Variants in IMMT observed in about 807,000 individuals in gnomAD.
The protein encoded by IMMT is MICOS complex subunit MIC60.
Under a neutral mutation model 92.7 loss-of-function variants are expected in IMMT, and 40 were observed. The ratio of observed to expected loss-of-function variants is 0.43; its 90% CI spans 0.34 to 0.56. IMMT has a LOEUF of 0.56. Among genes scored for constraint, IMMT ranks in the 20% least tolerant of loss-of-function variants. The pLI, the probability that IMMT is intolerant of heterozygous loss-of-function variation, is 0.03. For synonymous variants in IMMT, 322 were observed against 336.1 expected (o/e 0.96, Z 0.46); for missense variants, 831 against 912.1 (o/e 0.91, Z 1.14).
rs370662846 is a variant in IMMT, at chr2:86,161,996, G to T, written c.876C>A (p.Ala292=). Residue 292 remains alanine (A), a synonymous_variant, in exon 8 of 15, where the codon GCC becomes GCA. Transcript: ENST00000410111. ...ATTACTTGGCTTTGAGAAGGGCATC[G>T]GCAGCTTCATCTACTGCCTTTCTGC... The part of the protein sequence containing the change: ...KERRKAVDEA[A]DALLKAKEEL... The T allele has an allele frequency of 5.0e-6, 8 of 1,597,912 alleles. No individual in the cohort carries two copies. The South Asian group carries it at 7.9e-5, about 16-fold the overall frequency.
intron 6 of IMMT, among the ~76,000 whole-genome samples, chr2:86,169,964 G>A (rs1477575028): frequency 6.6e-6 from 1 of 152,186 alleles, no homozygotes; most frequent in Non-Finnish European, 1.5e-5. Context: ...CCAGCGATGT[G>A]TAGAACATTC....
intron 13 of IMMT, among the ~76,000 whole-genome samples, 152 bp downstream of exon 13, chr2:86,147,550 A>G (rs1675112128): frequency 6.6e-6 from 1 of 152,244 alleles, no homozygotes; most frequent in African/African-American, 2.4e-5. Flanking sequence ...TCATGAACAC[A>G]CAGGTACACC....
intron 1 of IMMT, among the ~76,000 whole-genome samples, chr2:86,190,757 A>G (rs1558844315): frequency 2.6e-5 from 4 of 152,228 alleles, no homozygotes; most frequent in Non-Finnish European, 5.9e-5. Flanking sequence ...TGGGAGCCCA[A>G]GGCGGGCAGA....
intron 12 of IMMT, among the ~76,000 whole-genome samples, chr2:86,148,071 C>T (rs1675168282): frequency 6.6e-6 from 1 of 152,236 alleles, no homozygotes; most frequent in Admixed American, 6.5e-5. Context: ...AGGTCTCTCT[C>T]ACCCCCAAAC....
chr2:86,158,772 A>T, intron 9 of IMMT, 51 bp from the exon 10 acceptor site: 4 of 1,436,876 alleles, frequency 2.8e-6, no homozygotes, highest in Non-Finnish European at 3.8e-6. Flanking sequence ...AATACCATAA[A>T]CATTCCAAGA....
chr2:86,179,588 A>G lies in IMMT; in HGVS notation c.154T>C (p.Leu52=), dbSNP rs1473131902. Residue 52 remains leucine (L), a synonymous_variant, in exon 3 of 15, where the codon TTG becomes CTG. Coordinates refer to ENST00000410111, the MANE Select transcript of IMMT (RefSeq NM_006839.3). ...CCACCAATACCTCCACCAACAAACA[A>G]AAGGCCAGCTCCAGCAATTTTGCCA... is the stretch of plus-strand genomic sequence containing the variant. ...TTGKIAGAGL[L]FVGGGIGGTI... is the part of the protein sequence containing the mutation. The G allele has an allele frequency of 6.2e-7, 1 of 1,600,590 alleles. No homozygotes were observed. Among genetic ancestry groups the G allele is most frequent in the Non-Finnish European group, 8.5e-7 (1 of 1,176,558 alleles).
intron 1 of IMMT, among the ~76,000 whole-genome samples, chr2:86,184,811 C>T (rs1424855829): frequency 6.6e-6 from 1 of 151,892 alleles, no homozygotes; most frequent in Non-Finnish European, 1.5e-5. Flanking sequence ...TTTATCAAAA[C>T]TGTCATCTGT....
At chr2:86,186,822 G>A (rs926733221) in intron 1 of IMMT, among the ~76,000 whole-genome samples, 1 of 152,210 alleles carries the variant, frequency 6.6e-6, no homozygotes, top group Admixed American at 6.5e-5. Context: ...TTATGCAGCT[G>A]TAACTCATAA....
rs749264958 is a variant in IMMT at position 86,195,329 on chromosome 2, A to G, written c.45+9T>C. The G allele has an allele frequency of 1.3e-6, 2 of 1,544,860 alleles. No homozygotes were observed. The highest frequency in any genetic ancestry group is 8.7e-7 in the Non-Finnish European group (1 of 1,143,964). On this transcript the variant is annotated intron_variant, in intron 1 of 14. Coordinates refer to ENST00000410111, the MANE Select transcript of IMMT (RefSeq NM_006839.3). ...CTCCTCACGCGCCTCCGGGAGCCCC[A>G]GTGCTCACCTGGGCGGCGGCGGTCA...
intron 1 of IMMT, among the ~76,000 whole-genome samples, chr2:86,186,269 A>AGTGGGAGGGATGTGCAT (rs1182153145): frequency 2.0e-5 from 3 of 152,108 alleles, no homozygotes; most frequent in South Asian, 2.1e-4. Context: ...GAAGGTTGTG[A>AGTGGGAGGGATGTGCAT]GTGGGAGGGA....
intron 4 of IMMT, 99 bp from the exon 5 acceptor site, chr2:86,171,444 C>A (rs539119431): frequency 1.9e-6 from 2 of 1,073,594 alleles, no homozygotes; most frequent in South Asian, 2.7e-5. Flanking sequence ...TCACATCTGA[C>A]TCCTTAGAGA....
chr2:86,167,265 G>C (rs929700718), intron 6 of IMMT, among the ~76,000 whole-genome samples: 3 of 142,054 alleles, frequency 2.1e-5, no homozygotes, highest in African/African-American at 7.9e-5. Flanking sequence ...TCCGCCTCCC[G>C]GGTTCACGCC....
intron 10 of IMMT, among the ~76,000 whole-genome samples, chr2:86,157,342 C>T (rs1396017618): frequency 6.6e-6 from 1 of 152,168 alleles, no homozygotes; most frequent in East Asian, 1.9e-4. Flanking sequence ...CCTGGGTGGC[C>T]ATCATGCAGA....
At chr2:86,174,932 A>G (rs940570702) in intron 3 of IMMT, among the ~76,000 whole-genome samples, 6 of 152,180 alleles carry the variant, frequency 3.9e-5, no homozygotes, top group Non-Finnish European at 2.9e-5. Flanking sequence ...GTCCATTTAA[A>G]TGAAAAGCAC....
intron 11 of IMMT, 43 bp downstream of exon 11, chr2:86,153,517 C>A (rs1192186443): frequency 2.4e-6 from 3 of 1,257,452 alleles, no homozygotes; most frequent in South Asian, 3.1e-5. Flanking sequence ...CTCTTAATAC[C>A]CAAAACAAAA....
At chr2:86,148,355 T>C (rs1392229301) in intron 12 of IMMT, among the ~76,000 whole-genome samples, 1 of 152,140 alleles carries the variant, frequency 6.6e-6, no homozygotes, top group Non-Finnish European at 1.5e-5. Context: ...ACACCTGTAA[T>C]CCCAGCACTT....
chr2:86,151,917 A>T (rs1675492050), intron 11 of IMMT, among the ~76,000 whole-genome samples: 1 of 152,236 alleles, frequency 6.6e-6, no homozygotes, highest in Admixed American at 6.5e-5. Context: ...TTTCTGCTAA[A>T]ACTAAAAATC....
chr2:86,186,522 T>C (rs762576114), intron 1 of IMMT, among the ~76,000 whole-genome samples: 7 of 152,224 alleles, frequency 4.6e-5, no homozygotes, highest in Non-Finnish European at 7.3e-5. Flanking sequence ...ATACAGCTTC[T>C]ACCTAGCTCT....
intron 6 of IMMT, among the ~76,000 whole-genome samples, chr2:86,170,319 T>C (rs1013541960): frequency 6.6e-6 from 1 of 152,002 alleles, no homozygotes; most frequent in Non-Finnish European, 1.5e-5. Context: ...CAGAGGAGGC[T>C]GAGGTGGGAG....
Sources: allele counts gnomAD v4.1 joint callset (sites outside exome capture counted in the v4.1 genomes callset), GRCh38; gene constraint gnomAD v4.1.1; transcripts MANE v1.5; gene names NCBI Gene and HGNC (gene_info 2026-07-23, HGNC 2026-07-21).